EPB41L3: variants seen among roughly 807,000 people sequenced by gnomAD.
EPB41L3 encodes the protein erythrocyte membrane protein band 4.1 like 3.
EPB41L3 carries 57 observed loss-of-function variants against 127.1 expected under a neutral mutation model. The ratio of observed to expected loss-of-function variants is 0.45; its 90% CI spans 0.36 to 0.56. The LOEUF (loss-of-function observed/expected upper bound fraction) is 0.56, where lower values mean the gene tolerates loss of function less well. EPB41L3 is among the 20% of genes least tolerant of loss of function. The pLI is 0.00. For missense variants in EPB41L3, 1,273 were observed against 1,372.2 expected (o/e 0.93, Z 1.14); for synonymous variants, 572 against 549.5 (o/e 1.04, Z -0.57).
chr18:5,622,493 T>C (rs1186069608), intron 1 of EPB41L3, among the ~76,000 whole-genome samples: 1 of 152,210 alleles, frequency 6.6e-6, no homozygotes, highest in Non-Finnish European at 1.5e-5. Context: ...CGCATCCCAG[T>C]ATGCAGTGAG....
intron 14 of EPB41L3, among the ~76,000 whole-genome samples, chr18:5,408,839 C>T (rs2075836249): frequency 6.6e-6 from 1 of 152,180 alleles, no homozygotes; most frequent in South Asian, 2.1e-4. Context: ...AATTAGTAAG[C>T]AGGCCAAGCC....
chr18:5,478,269 T>C lies in EPB41L3; in HGVS notation c.353A>G (p.Asp118Gly). The C allele has an allele frequency of 1.2e-6, 2 of 1,614,196 alleles. No homozygotes were observed. The highest frequency in any genetic ancestry group is 1.7e-6 in the Non-Finnish European group (2 of 1,180,012). The change falls in exon 3 of 23, where the codon GAT (aspartate) becomes GGT (glycine). Residue 118 changes from aspartate to glycine, a missense_variant. Coordinates refer to ENST00000341928, the MANE Select transcript of EPB41L3 (RefSeq NM_012307.5). ...KSMQCKVILL[D>G]GSEYTCDVEK... ...TACATCACAGGTATATTCTGATCCA[T>C]CGAGAAGTATCACTTTGCACTGCAT... is the stretch of plus-strand genomic sequence containing the variant.
chr18:5,505,843 C>T (rs1443275923), intron 1 of EPB41L3, among the ~76,000 whole-genome samples: 3 of 142,226 alleles, frequency 2.1e-5, no homozygotes, highest in Non-Finnish European at 3.1e-5. Flanking sequence ...CCCTTCCCTC[C>T]ACACCTTCAC....
chr18:5,610,033 A>C (rs2094708106), intron 3 of EPB41L3: 1 of 915,346 alleles, frequency 1.1e-6, no homozygotes, highest in African/African-American at 1.8e-5. Context: ...CAGTGTGCTC[A>C]CAGGCACTGG....
intron 16 of EPB41L3, 146 bp downstream of exon 16, chr18:5,406,631 G>T: frequency 1.5e-6 from 1 of 656,440 alleles, no homozygotes; most frequent in Non-Finnish European, 2.5e-6. Context: ...GTTTTCTGTT[G>T]GAGCACTGAG....
chr18:5,473,682 A>G (rs2086592109), intron 3 of EPB41L3, among the ~76,000 whole-genome samples: 1 of 152,126 alleles, frequency 6.6e-6, no homozygotes, highest in Non-Finnish European at 1.5e-5. Context: ...CATGGAACAG[A>G]GATATTTTTA....
intron 1 of EPB41L3, among the ~76,000 whole-genome samples, chr18:5,536,788 G>C (rs905112012): frequency 3.9e-5 from 6 of 152,082 alleles, no homozygotes; most frequent in Non-Finnish European, 8.8e-5. Flanking sequence ...CTGATATCGT[G>C]CCACTGCACT....
chr18:5,544,747 G>A (rs1371540797), upstream of EPB41L3, among the ~76,000 whole-genome samples: 1 of 152,096 alleles, frequency 6.6e-6, no homozygotes, highest in Admixed American at 6.5e-5. Context: ...GCACAACAGG[G>A]TGACTATAGT....
At chr18:5,588,740 G>T (rs1000406614) in intron 3 of EPB41L3, among the ~76,000 whole-genome samples, 1 of 151,982 alleles carries the variant, frequency 6.6e-6, no homozygotes, top group Non-Finnish European at 1.5e-5. Flanking sequence ...GTGCCTCCAA[G>T]AACTAAAGGT....
At chr18:5,420,462 C>T (rs2077340675) in intron 11 of EPB41L3, among the ~76,000 whole-genome samples, 1 of 152,138 alleles carries the variant, frequency 6.6e-6, no homozygotes, top group Admixed American at 6.5e-5. Context: ...TATTAACCAT[C>T]TTGGTAGAGA....
chr18:5,614,517 C>T (rs1240317720), intron 1 of EPB41L3: 2 of 152,218 alleles, frequency 1.3e-5, no homozygotes, highest in African/African-American at 4.8e-5. Flanking sequence ...ATGGCCACTT[C>T]TACAAGAGAT....
chr18:5,614,607 T>C (rs1305213093), intron 1 of EPB41L3, among the ~76,000 whole-genome samples: 1 of 152,122 alleles, frequency 6.6e-6, no homozygotes, highest in African/African-American at 2.4e-5. Flanking sequence ...CTTTTGTACC[T>C]CTGCCCTCTG....
At chr18:5,449,919 TAAGA>T (rs2082057832) in intron 3 of EPB41L3, among the ~76,000 whole-genome samples, 2 of 152,338 alleles carry the variant, frequency 1.3e-5, no homozygotes, top group Non-Finnish European at 2.9e-5. Context: ...TAAGTGATAG[TAAGA>T]TAGAATAATT....
chr18:5,502,614 C>T (rs1238503893), intron 1 of EPB41L3, among the ~76,000 whole-genome samples: 1 of 152,106 alleles, frequency 6.6e-6, no homozygotes, highest in Non-Finnish European at 1.5e-5. Flanking sequence ...TGCATGGAAC[C>T]AGGTCCAGAA....
intron 7 of EPB41L3, 67 bp from the exon 8 acceptor site, chr18:5,433,623 C>T (rs2079309582): frequency 1.4e-6 from 2 of 1,389,208 alleles, no homozygotes; most frequent in South Asian, 2.4e-5. Context: ...ATATTTCCCA[C>T]TTAGTTCCAT....
intron 3 of EPB41L3, among the ~76,000 whole-genome samples, chr18:5,572,763 C>G (rs1719986): frequency 0.95 from 145,220 of 152,074 alleles, 69,679 homozygotes; most frequent in Middle Eastern, 1. Context: ...TTGTAAAGAC[C>G]GGGTCTTGCT....
In EPB41L3 at chr18:5,561,008, C is replaced by T. The variant is rs368699549; in HGVS notation, c.-306+51332G>A. The stretch of plus-strand genomic sequence containing the variant: ...ATTTATTTATTTTGAGATGGAGTCT[C>T]GCTCTGTCGCCCAGGCTGGAGTGCA... On this transcript the variant is annotated intron_variant, in intron 3 of 21. Coordinates refer to the EPB41L3 transcript ENST00000545076. 2.9e-3 allele frequency among the ~76,000 whole-genome samples: 376 copies of T among 131,718 alleles called. 21 individuals are homozygous for T. Among genetic ancestry groups the T allele is most frequent in the Admixed American group, 0.023 (301 of 13,280 alleles). The allele number at this position is 131,718 out of a possible 152,430, so 86.4% of individuals were successfully genotyped here.
chr18:5,542,499 G>A (rs982548782), intron 1 of EPB41L3, among the ~76,000 whole-genome samples: 5 of 149,388 alleles, frequency 3.3e-5, no homozygotes, highest in Non-Finnish European at 7.4e-5. Flanking sequence ...AAAAAGGACA[G>A]GCAGGGTATC....
chr18:5,475,268 AT>A (rs2086945147), intron 3 of EPB41L3, among the ~76,000 whole-genome samples: 1 of 152,216 alleles, frequency 6.6e-6, no homozygotes, highest in African/African-American at 2.4e-5. Context: ...GTTCAAATAA[AT>A]TAGTTGCTCT....
Sources: gnomAD v4.1 joint callset for allele counts (sites outside exome capture counted in the v4.1 genomes callset) on GRCh38, gnomAD v4.1.1 for gene constraint, MANE v1.5 for transcripts, NCBI Gene and HGNC (gene_info 2026-07-23, HGNC 2026-07-21) for gene names.